SLC13A3: variants seen among roughly 807,000 people sequenced by gnomAD.
SLC13A3 encodes solute carrier family 13 member 3.
A neutral mutation model predicts 59.0 loss-of-function variants in SLC13A3; 40 were observed. The ratio of observed to expected loss-of-function variants is 0.68; its 90% CI spans 0.53 to 0.88. SLC13A3 has a LOEUF of 0.88. SLC13A3 is among the 40% of genes least tolerant of loss of function. The pLI is 0.00. For synonymous variants in SLC13A3, 317 were observed against 330.3 expected (o/e 0.96, Z 0.44); for missense variants, 699 against 783.2 (o/e 0.89, Z 1.28).
intron 3 of SLC13A3, among the ~76,000 whole-genome samples, chr20:46,600,294 A>G (rs2062361605): frequency 1.1e-5 from 1 of 88,388 alleles, no homozygotes. Flanking sequence ...AGGGAGGGAA[A>G]GAAAGAAAGA....
intron 1 of SLC13A3, among the ~76,000 whole-genome samples, chr20:46,639,658 G>A (rs1466340485): frequency 6.6e-6 from 1 of 152,166 alleles, no homozygotes. Context: ...AGCCTGTCTT[G>A]ATGTCCCACC....
In SLC13A3 at chr20:46,576,951, G is replaced by A. The variant is rs532353526; in HGVS notation, c.1220-1266C>T. Among the ~76,000 whole-genome samples, 131 of 152,260 alleles carry A rather than the reference G, an allele frequency of 8.6e-4. 4 individuals carry two copies. The highest frequency in any genetic ancestry group is 1.2e-3 in the South Asian group (6 of 4,824). On this transcript the variant is annotated intron_variant, in intron 9 of 12. Coordinates refer to ENST00000279027, the MANE Select transcript of SLC13A3 (RefSeq NM_022829.6). Reference sequence around the variant, plus strand: ...CCACAAGTGTATGCAGCCCACAGGTGTATGCAATCCACAGGTGTATGCAGT... The same window carrying A: ...CCACAAGTGTATGCAGCCCACAGGTATATGCAATCCACAGGTGTATGCAGT...
chr20:46,656,782 T>C (rs953494885), intron 1 of SLC13A3, among the ~76,000 whole-genome samples: 2 of 152,030 alleles, frequency 1.3e-5, no homozygotes, highest in African/African-American at 4.8e-5. Context: ...TAGTTCCCCC[T>C]GTCCCTGCAG....
intron 9 of SLC13A3, 66 bp from the exon 10 acceptor site, chr20:46,575,751 C>T: frequency 2.1e-6 from 2 of 956,236 alleles, no homozygotes; most frequent in African/African-American, 1.7e-5. Context: ...GCCACCAGCC[C>T]TGAGCCCCAT....
intron 1 of SLC13A3, among the ~76,000 whole-genome samples, chr20:46,624,773 A>G (rs2062651579): frequency 6.6e-6 from 1 of 152,224 alleles, no homozygotes; most frequent in Admixed American, 6.5e-5. Flanking sequence ...TGAGGAGGGA[A>G]AGCCCAAGTA....
intron 4 of SLC13A3, among the ~76,000 whole-genome samples, chr20:46,598,293 T>C (rs1382445334): frequency 6.6e-6 from 1 of 152,200 alleles, no homozygotes; most frequent in Non-Finnish European, 1.5e-5. Context: ...ACTACCGTCA[T>C]GGTCTGACTT....
chr20:46,673,138 CAT>C (rs1431548854), upstream of SLC13A3, among the ~76,000 whole-genome samples: 3 of 152,088 alleles, frequency 2.0e-5, no homozygotes, highest in African/African-American at 7.2e-5. Flanking sequence ...ACAACTACAT[CAT>C]AGGTTTATGA....
intron 8 of SLC13A3, among the ~76,000 whole-genome samples, chr20:46,587,131 TCTC>T (rs1467272431): frequency 6.6e-6 from 1 of 152,208 alleles, no homozygotes; most frequent in Non-Finnish European, 1.5e-5. Flanking sequence ...TCCTAACTAT[TCTC>T]CTCGTCTATA....
At chr20:46,575,841 C>T (rs2062070883) in intron 9 of SLC13A3, among the ~76,000 whole-genome samples, 156 bp from the exon 10 acceptor site, 1 of 152,138 alleles carries the variant, frequency 6.6e-6, no homozygotes. Flanking sequence ...GGAGAGAGTG[C>T]ACAGGCATCA....
At chr20:46,562,567 A>G (rs1172729977) in intron 12 of SLC13A3, among the ~76,000 whole-genome samples, 3 of 152,166 alleles carry the variant, frequency 2.0e-5, no homozygotes, top group Non-Finnish European at 4.4e-5. Flanking sequence ...GAAATTTTAC[A>G]TAATTTAGGA....
chr20:46,660,135 A>G (rs1025348301), intron 1 of SLC13A3, among the ~76,000 whole-genome samples: 1 of 152,236 alleles, frequency 6.6e-6, no homozygotes, highest in African/African-American at 2.4e-5. Flanking sequence ...TTATATAAAT[A>G]AAAGATAAAT....
intron 1 of SLC13A3, among the ~76,000 whole-genome samples, chr20:46,618,139 CT>C (rs1207942796): frequency 1.3e-5 from 2 of 150,384 alleles, no homozygotes; most frequent in East Asian, 3.8e-4. Flanking sequence ...GACCCCTAGA[CT>C]GTAGTCCACA....
chr20:46,675,484 A>T (rs2063119242), intron 1 of SLC13A3, among the ~76,000 whole-genome samples: 1 of 147,436 alleles, frequency 6.8e-6, no homozygotes, highest in Non-Finnish European at 1.5e-5. Context: ...GAGCTCAGGC[A>T]ATCTGCCCAC....
At chr20:46,613,148 C>T (rs1461124762) in intron 2 of SLC13A3, among the ~76,000 whole-genome samples, 1 of 151,758 alleles carries the variant, frequency 6.6e-6, no homozygotes, top group Non-Finnish European at 1.5e-5. Flanking sequence ...GTGTGGCCCC[C>T]TCCAAAACTA....
chr20:46,614,534 G>A (rs1825849810), intron 1 of SLC13A3, among the ~76,000 whole-genome samples: 1 of 152,172 alleles, frequency 6.6e-6, no homozygotes, highest in African/African-American at 2.4e-5. Flanking sequence ...GTTGGGACAG[G>A]GAGCAACTGC....
rs182453336 is a variant in SLC13A3 at position 46,603,246 on chromosome 20, T to C, written c.542-3209A>G. Among the ~76,000 whole-genome samples, 920 of 151,766 alleles carry C rather than the reference T, an allele frequency of 6.1e-3. 9 individuals are homozygous for C. The highest frequency in any genetic ancestry group is 0.024 in the South Asian group (116 of 4,812). On this transcript the variant is annotated intron_variant, in intron 3 of 12. Coordinates refer to ENST00000279027, the MANE Select transcript of SLC13A3 (RefSeq NM_022829.6). Reference sequence around the variant, plus strand: ...CAACAAACTTCTGTAAAAAGCCAGATAGTAAACATTTTAGGTTTTGGGGGG... The same window carrying C: ...CAACAAACTTCTGTAAAAAGCCAGACAGTAAACATTTTAGGTTTTGGGGGG...
intron 1 of SLC13A3, among the ~76,000 whole-genome samples, chr20:46,660,079 T>C (rs746000096): frequency 6.6e-5 from 10 of 152,218 alleles, no homozygotes; most frequent in Non-Finnish European, 1.2e-4. Flanking sequence ...CAACATATTG[T>C]TTTAATTTTA....
In SLC13A3 at chr20:46,610,551, C is replaced by A. The variant is rs780659717; in HGVS notation, c.436G>T (p.Ala146Ser). Residue 146 changes from alanine (A) to serine (S), a missense_variant, in exon 3 of 13, where the codon GCC becomes TCC. Ala to Ser is a moderately conservative substitution (Grantham distance 99). Transcript: ENST00000279027. Reference sequence around the variant, plus strand: ...ATGGGAAGCATCATGGCAGTGGAGGCGGTGTTGCTCAGCCACATGGACAAG... The same window carrying A: ...ATGGGAAGCATCATGGCAGTGGAGGAGGTGTTGCTCAGCCACATGGACAAG... ...SFLSMWLSNT[A>S]STAMMLPIAN... 4 of 1,614,090 alleles carry A rather than the reference C, an allele frequency of 2.5e-6. No homozygotes were observed. Among genetic ancestry groups the A allele is most frequent in the Non-Finnish European group, 3.4e-6 (4 of 1,180,004 alleles).
At chr20:46,629,957 C>T (rs1045567767) in intron 1 of SLC13A3, among the ~76,000 whole-genome samples, 2 of 152,176 alleles carry the variant, frequency 1.3e-5, no homozygotes, top group African/African-American at 4.8e-5. Flanking sequence ...TGGCAGATCT[C>T]ATGTTGGCTA....
Sources: allele counts gnomAD v4.1 joint callset (sites outside exome capture counted in the v4.1 genomes callset), GRCh38; gene constraint gnomAD v4.1.1; transcripts MANE v1.5; gene names NCBI Gene and HGNC (gene_info 2026-07-23, HGNC 2026-07-21).